CCDC152: variants seen among roughly 807,000 people sequenced by gnomAD.
The protein encoded by CCDC152 is coiled-coil domain-containing protein 152.
CCDC152 carries 37 observed loss-of-function variants against 38.1 expected under a neutral mutation model. That is an observed-to-expected ratio of 0.97 (90% CI 0.75 to 1.28). The LOEUF (loss-of-function observed/expected upper bound fraction) is 1.28. Ranked by LOEUF, CCDC152 falls within the 50% of genes most tolerant of loss-of-function variation. The probability of loss-of-function intolerance (pLI) is 0.00; values close to 1 mark genes in which losing one functional copy is unlikely to be tolerated. For synonymous variants in CCDC152, 83 were observed against 87.1 expected (o/e 0.95, Z 0.26); for missense variants, 259 against 292.1 (o/e 0.89, Z 0.83).
chr5:42,758,974 A>T (rs1429391003), intron 1 of CCDC152, 146 bp from the exon 2 acceptor site: 1 of 525,252 alleles, frequency 1.9e-6, no homozygotes, highest in East Asian at 3.1e-5. Context: ...TATTGGTTAT[A>T]ACAAAAATTC....
intron 6 of CCDC152, among the ~76,000 whole-genome samples, chr5:42,785,186 G>T (rs1759901884): frequency 6.6e-6 from 1 of 152,010 alleles, no homozygotes; most frequent in African/African-American, 2.4e-5. Flanking sequence ...GATTGCTTTG[G>T]GTAGTATAGT....
In CCDC152 at chr5:42,758,356, G is replaced by A. The variant is rs143965974; in HGVS notation, c.-2-764G>A. On this transcript the variant is annotated intron_variant, in intron 1 of 8. Coordinates refer to ENST00000361970, the MANE Select transcript of CCDC152 (RefSeq NM_001134848.2). ...TACATTTTACTTTGGACTAGTTACC[G>A]CTTTCACACACCATACATTGGTTCA... Among the ~76,000 whole-genome samples the A allele has an allele frequency of 7.9e-4, 120 of 152,246 alleles. 3 individuals carry two copies. The highest frequency in any genetic ancestry group is 2.8e-3 in the African/African-American group (118 of 41,552).
At chr5:42,789,123 C>T (rs989148213) in intron 6 of CCDC152, among the ~76,000 whole-genome samples, 4 of 152,222 alleles carry the variant, frequency 2.6e-5, no homozygotes, top group Admixed American at 2.0e-4. Context: ...CAAGGGCAGA[C>T]GACCTCCTTA....
In CCDC152 at chr5:42,778,332, C is replaced by G. The variant is rs368272641; in HGVS notation, c.263-1126C>G. On this transcript the variant is annotated intron_variant, in intron 4 of 8. Transcript: ENST00000361970. The stretch of plus-strand genomic sequence containing the variant: ...CTCTCCTCATTTCCTGTCTCCACCC[C>G]CCAAGAGATGACCCAGAGGAAAGAC... Among the ~76,000 whole-genome samples, 5 of 152,062 alleles carry G rather than the reference C, an allele frequency of 3.3e-5. No individual in the cohort carries two copies. The East Asian group carries it at 5.8e-4, about 18-fold the overall frequency.
chr5:42,776,011 A>G (rs937189433), intron 4 of CCDC152, among the ~76,000 whole-genome samples: 5 of 152,060 alleles, frequency 3.3e-5, no homozygotes, highest in Admixed American at 2.6e-4. Context: ...AAAAGGCAGA[A>G]AAAGAATAGA....
At chr5:42,761,419 A>G (rs1759551322) in intron 2 of CCDC152, among the ~76,000 whole-genome samples, 1 of 152,210 alleles carries the variant, frequency 6.6e-6, no homozygotes, top group African/African-American at 2.4e-5. Context: ...TTTTGAGACC[A>G]GCCTGGGCAA....
At chr5:42,795,705 C>G (rs1323026525) in intron 6 of CCDC152, among the ~76,000 whole-genome samples, 1 of 152,080 alleles carries the variant, frequency 6.6e-6, no homozygotes, top group Non-Finnish European at 1.5e-5. Flanking sequence ...ATATCTATAT[C>G]AGAATACCAT....
chr5:42,785,300 A>G (rs879804175), intron 6 of CCDC152, among the ~76,000 whole-genome samples: 3 of 152,048 alleles, frequency 2.0e-5, no homozygotes, highest in Non-Finnish European at 4.4e-5. Context: ...TTCTCCTTGT[A>G]GAGGTTTTTC....
Position 42,801,175 on chromosome 5 carries a change from C to T in CCDC152, c.*1394C>T, listed in dbSNP as rs372339051. 3.1e-6 allele frequency: 5 copies of T among 1,614,122 alleles called. No homozygotes were observed. The highest frequency in any genetic ancestry group is 3.4e-6 in the Non-Finnish European group (4 of 1,180,026). ...GCAGGATGAGTAGGAGCATTTGGTGCTCCTGGTTGCTGATTCTCTGAAAGC... is the reference window on the plus strand; with the variant it reads ...GCAGGATGAGTAGGAGCATTTGGTGTTCCTGGTTGCTGATTCTCTGAAAGC... On this transcript the variant is annotated 3_prime_UTR_variant, in exon 9 of 9. Transcript: ENST00000361970.
chr5:42,766,124 A>C (rs1186207882), intron 3 of CCDC152, among the ~76,000 whole-genome samples: 2 of 152,234 alleles, frequency 1.3e-5, no homozygotes, highest in Non-Finnish European at 2.9e-5. Flanking sequence ...GACATTTCTC[A>C]GAAGAAGACA....
At chr5:42,757,169 A>T (rs995940075) in intron 1 of CCDC152, among the ~76,000 whole-genome samples, 6 of 152,046 alleles carry the variant, frequency 3.9e-5, no homozygotes, top group African/African-American at 1.4e-4. Flanking sequence ...CTTCTCTCAC[A>T]TCCGCGGGTC....
Position 42,799,663 on chromosome 5 carries a change from T to G in CCDC152, c.647T>G (p.Leu216Arg). 1 of 1,544,394 alleles carries G rather than the reference T, an allele frequency of 6.5e-7. No individual in the cohort carries two copies. The highest frequency in any genetic ancestry group is 2.0e-5 in the Admixed American group (1 of 49,756). Reference sequence around the variant, plus strand: ...CAAATTTTTTGTTTCGTTTAGAAACTTCAGCATTTTCAAGAAGAAAAAAAC... The same window carrying G: ...CAAATTTTTTGTTTCGTTTAGAAACGTCAGCATTTTCAAGAAGAAAAAAAC... ...VLPQSIYRRK[L>R]QHFQEEKNKE... Residue 216 changes from leucine to arginine, a missense_variant, in exon 9 of 9, where the codon CTT becomes CGT. Physicochemically the swap from Leu to Arg is moderately radical, Grantham distance 102 (BLOSUM62 -2). Coordinates refer to ENST00000361970, the MANE Select transcript of CCDC152 (RefSeq NM_001134848.2).
chr5:42,783,272 T>G (rs1404987936), intron 5 of CCDC152, among the ~76,000 whole-genome samples: 2 of 152,084 alleles, frequency 1.3e-5, no homozygotes, highest in Non-Finnish European at 1.5e-5. Context: ...TATTTTTCCT[T>G]GTAGATATAA....
intron 6 of CCDC152, among the ~76,000 whole-genome samples, chr5:42,789,278 C>T (rs1759966800): frequency 6.6e-6 from 1 of 152,180 alleles, no homozygotes; most frequent in Admixed American, 6.5e-5. Context: ...TTGGCTTCTT[C>T]CTGTGGGCTC....
Position 42,782,321 on chromosome 5 carries a change from C to T in CCDC152, c.328-1153C>T, listed in dbSNP as rs116100556. 6.0e-3 allele frequency among the ~76,000 whole-genome samples: 913 copies of T among 152,220 alleles called. 6 individuals are homozygous for T. Among genetic ancestry groups the T allele is most frequent in the Non-Finnish European group, 0.011 (745 of 68,008 alleles). ...TAGTTTTGGCTTATATTGAACATAC[C>T]TTAATTCTGTAGTGGCATTTATTCA... On this transcript the variant is annotated intron_variant, in intron 5 of 8. Transcript: ENST00000361970.
At position 42,756,878 on chromosome 5, in the gene CCDC152, A is replaced by G. The variant is rs1355619391; in HGVS notation, c.-10A>G. The stretch of plus-strand genomic sequence containing the variant: ...AGGGAGACTGTGGGGAACTAGGAGC[A>G]ACAGCAGGTACACTCCAAATTCTAT... On this transcript the variant is annotated 5_prime_UTR_variant, in exon 1 of 9. Coordinates refer to ENST00000361970, the MANE Select transcript of CCDC152 (RefSeq NM_001134848.2). 6.5e-6 allele frequency: 1 copy of G among 152,874 alleles called. No homozygotes were observed. Among genetic ancestry groups the G allele is most frequent in the Admixed American group, 6.5e-5 (1 of 15,290 alleles). The allele number at this position is 152,874 out of a possible 1,614,324, so 9.5% of individuals were successfully genotyped here. A position where few individuals can be genotyped will look rare whatever the true frequency, so the allele number is the denominator to read the frequency against.
At chr5:42,779,109 G>A (rs573325456) in intron 4 of CCDC152, among the ~76,000 whole-genome samples, 11 of 152,136 alleles carry the variant, frequency 7.2e-5, no homozygotes, top group African/African-American at 1.2e-4. Context: ...CTTAAATCTC[G>A]TCTCAAGTAG....
intron 6 of CCDC152, among the ~76,000 whole-genome samples, chr5:42,794,166 A>G (rs898611670): frequency 6.6e-6 from 1 of 152,234 alleles, no homozygotes; most frequent in Non-Finnish European, 1.5e-5. Context: ...AGTCTATGAA[A>G]GGCTGTTGTC....
At chr5:42,772,649 CAA>C (rs71608661) in intron 4 of CCDC152, among the ~76,000 whole-genome samples, 67 of 128,426 alleles carry the variant, frequency 5.2e-4, no homozygotes, top group South Asian at 1.1e-3. Flanking sequence ...GACTCCGTCT[CAA>C]AAAAAAAAAA....
Sources: gnomAD v4.1 joint callset for allele counts (sites outside exome capture counted in the v4.1 genomes callset) on GRCh38, gnomAD v4.1.1 for gene constraint, MANE v1.5 for transcripts, NCBI Gene and HGNC (gene_info 2026-07-23, HGNC 2026-07-21) for gene names.